The following PATJ variants were observed in gnomAD, a reference collection of about 807,000 sequenced individuals.
PATJ encodes the protein PATJ crumbs cell polarity complex component, also known as inaD-like protein.
A neutral mutation model predicts 224.9 loss-of-function variants in PATJ; 190 were observed. The observed-to-expected ratio is 0.84, with a 90% CI of 0.75 to 0.95. The LOEUF (loss-of-function observed/expected upper bound fraction) is 0.95. Ranked by LOEUF, PATJ falls within the 40% of genes least tolerant of loss-of-function variation. The probability of loss-of-function intolerance (pLI) is 0.00; values close to 1 mark genes in which losing one functional copy is unlikely to be tolerated. For synonymous variants in PATJ, 769 were observed against 820.3 expected (o/e 0.94, Z 1.07); for missense variants, 2,121 against 2,270.3 (o/e 0.93, Z 1.34).
At chr1:61,860,566 G>A (rs1664381315) in intron 18 of PATJ, among the ~76,000 whole-genome samples, 2 of 152,116 alleles carry the variant, frequency 1.3e-5, no homozygotes, top group South Asian at 4.1e-4. Flanking sequence ...GCTCACGCCT[G>A]TAGTCCCAGC....
intron 34 of PATJ, 90 bp from the exon 35 acceptor site, chr1:62,113,963 C>G: frequency 7.8e-7 from 1 of 1,285,060 alleles, no homozygotes; most frequent in Non-Finnish European, 1.1e-6. Flanking sequence ...TCTAGAGATT[C>G]TTTACTGGTT....
chr1:62,128,097 A>C lies in PATJ; in HGVS notation c.5166+3A>C, dbSNP rs1665912163. 1 of 1,613,996 alleles carries C rather than the reference A, an allele frequency of 6.2e-7. No individual in the cohort carries two copies. Among genetic ancestry groups the C allele is most frequent in the Non-Finnish European group, 8.5e-7 (1 of 1,180,004 alleles). ...CCGCACGGACACAGAAGCTTAAAGTAAACGAGAGAACTGGTTGAAAGACTA... is the reference window on the plus strand; with the variant it reads ...CCGCACGGACACAGAAGCTTAAAGTCAACGAGAGAACTGGTTGAAAGACTA... On this transcript the variant is annotated splice_donor_region_variant and intron_variant, in intron 40 of 43. Transcript: ENST00000642238.
chr1:61,921,567 G>A (rs1462047471), intron 26 of PATJ, among the ~76,000 whole-genome samples: 1 of 152,140 alleles, frequency 6.6e-6, no homozygotes, highest in Admixed American at 6.5e-5. Context: ...AGAGGTACAA[G>A]CCTTTATTTT....
chr1:62,064,699 G>A (rs1305288454), intron 31 of PATJ, among the ~76,000 whole-genome samples: 1 of 152,012 alleles, frequency 6.6e-6, no homozygotes, highest in East Asian at 1.9e-4. Flanking sequence ...AATGATTATG[G>A]GCTTCTTGCT....
chr1:62,143,385 T>C (rs1364507329), intron 41 of PATJ, among the ~76,000 whole-genome samples: 1 of 151,476 alleles, frequency 6.6e-6, no homozygotes, highest in Non-Finnish European at 1.5e-5. Flanking sequence ...ATCTTTGAGA[T>C]ATTAAAATGC....
At chr1:62,072,121 A>G (rs1657524845) in intron 31 of PATJ, among the ~76,000 whole-genome samples, 1 of 152,064 alleles carries the variant, frequency 6.6e-6, no homozygotes, top group Non-Finnish European at 1.5e-5. Context: ...CATTCTGGTC[A>G]ATTTATTGGT....
intron 11 of PATJ, among the ~76,000 whole-genome samples, chr1:61,799,503 A>G (rs866022353): frequency 5.3e-5 from 8 of 152,312 alleles, no homozygotes; most frequent in Non-Finnish European, 1.0e-4. Flanking sequence ...CACAAATGCC[A>G]TATTGACCTT....
chr1:62,147,010 G>C (rs1019359064), intron 41 of PATJ, among the ~76,000 whole-genome samples: 1 of 152,070 alleles, frequency 6.6e-6, no homozygotes, highest in Non-Finnish European at 1.5e-5. Flanking sequence ...ACGTCCCATA[G>C]ATGTCTATGG....
chr1:62,058,462 G>A (rs1279024628), intron 31 of PATJ, among the ~76,000 whole-genome samples: 1 of 152,194 alleles, frequency 6.6e-6, no homozygotes, highest in Non-Finnish European at 1.5e-5. Flanking sequence ...TGCTTTTCCA[G>A]ATGAAAAAGG....
chr1:62,073,649 T>C (rs1292549193), intron 31 of PATJ, among the ~76,000 whole-genome samples: 1 of 151,630 alleles, frequency 6.6e-6, no homozygotes, highest in Non-Finnish European at 1.5e-5. Flanking sequence ...AATAAATAAA[T>C]AAATAAATAA....
intron 32 of PATJ, among the ~76,000 whole-genome samples, chr1:62,082,530 C>T (rs1316269681): frequency 6.6e-6 from 1 of 152,168 alleles, no homozygotes; most frequent in Non-Finnish European, 1.5e-5. Context: ...CACAGGCTTA[C>T]CTAGAGCCTG....
chr1:61,844,183 C>T (rs1339866411), intron 17 of PATJ, among the ~76,000 whole-genome samples: 1 of 152,196 alleles, frequency 6.6e-6, no homozygotes, highest in African/African-American at 2.4e-5. Flanking sequence ...AGTGTTATTT[C>T]TTGGGATCCA....
chr1:61,746,235 C>T (rs1371413436), intron 1 of PATJ, among the ~76,000 whole-genome samples: 1 of 152,186 alleles, frequency 6.6e-6, no homozygotes, highest in Admixed American at 6.6e-5. Flanking sequence ...AGCCATCACG[C>T]CTGGCCTCTT....
intron 4 of PATJ, among the ~76,000 whole-genome samples, chr1:61,768,808 G>A (rs1557608929): frequency 6.6e-6 from 1 of 151,928 alleles, no homozygotes; most frequent in Non-Finnish European, 1.5e-5. Context: ...GCTGAGGCAG[G>A]AGGATCGCTT....
intron 26 of PATJ, among the ~76,000 whole-genome samples, chr1:61,920,943 T>C (rs1236076332): frequency 4.6e-5 from 7 of 152,062 alleles, no homozygotes; most frequent in Non-Finnish European, 8.8e-5. Context: ...TGACCTCAGG[T>C]GATCCACCCG....
intron 14 of PATJ, among the ~76,000 whole-genome samples, chr1:61,811,933 C>T (rs977127369): frequency 2.6e-5 from 4 of 151,204 alleles, no homozygotes; most frequent in South Asian, 2.1e-4. Flanking sequence ...TGGTGGCGGG[C>T]GCCTGTAGTC....
intron 16 of PATJ, chr1:61,833,243 G>C (rs557540703): frequency 3.9e-5 from 6 of 152,116 alleles, no homozygotes; most frequent in African/African-American, 1.5e-4. Flanking sequence ...GTCTCTCTCT[G>C]TAATTATGAA....
In PATJ at chr1:61,884,380, T is replaced by C. The variant is rs1347320871; in HGVS notation, c.3103T>C (p.Leu1035=). 2 of 1,609,824 alleles carry C rather than the reference T, an allele frequency of 1.2e-6. No individual in the cohort carries two copies. The highest frequency in any genetic ancestry group is 8.5e-7 in the Non-Finnish European group (1 of 1,178,326). Residue 1035 remains leucine, a synonymous_variant, in exon 22 of 44, where the codon TTG becomes CTG. Transcript: ENST00000642238. ...CAAGGCCTCAGCATACACAGGAATG[T>C]TGTCTTCTAGATATGCCACTGATAC... ...ISKASAYTGM[L]SSRYATDTCE...
At chr1:62,114,996 G>A (rs915151803) in intron 35 of PATJ, 1 of 152,070 alleles carries the variant, frequency 6.6e-6, no homozygotes, top group Non-Finnish European at 1.5e-5. Context: ...GATCCTAGTG[G>A]CCAGGCTACT....
Sources: allele counts gnomAD v4.1 joint callset (sites outside exome capture counted in the v4.1 genomes callset), GRCh38; gene constraint gnomAD v4.1.1; transcripts MANE v1.5; gene names NCBI Gene and HGNC (gene_info 2026-07-23, HGNC 2026-07-21).